The following HAT1 variants were observed in gnomAD, a reference collection of about 807,000 sequenced individuals.
The protein encoded by HAT1 is histone acetyltransferase 1.
In HAT1, 20 loss-of-function variants were observed where a neutral mutation model predicts 56.6. The ratio of observed to expected loss-of-function variants is 0.35; its 90% CI spans 0.25 to 0.51. HAT1 has a LOEUF of 0.51. Ranked by LOEUF, HAT1 falls within the 20% of genes least tolerant of loss-of-function variation. The probability of loss-of-function intolerance (pLI) is 0.95; values close to 1 mark genes in which losing one functional copy is unlikely to be tolerated. For synonymous variants in HAT1, 146 were observed against 165.5 expected, an observed-to-expected ratio of 0.88 and a Z score of 0.91; for missense variants, 408 against 504.3, an observed-to-expected ratio of 0.81 and a Z score of 1.83.
At chr2:171,967,363 A>G (rs1482372619) in intron 8 of HAT1, among the ~76,000 whole-genome samples, 1 of 152,224 alleles carries the variant, frequency 6.6e-6, no homozygotes, top group Non-Finnish European at 1.5e-5. Flanking sequence ...TCTTGAATAG[A>G]ATACACATTT....
chr2:171,935,046 G>A (rs867251919), intron 2 of HAT1, among the ~76,000 whole-genome samples: 27 of 151,066 alleles, frequency 1.8e-4, no homozygotes, highest in Non-Finnish European at 3.7e-4. Flanking sequence ...GTGAGCCACC[G>A]CGCCTGGCCT....
chr2:171,946,611 A>G lies in HAT1; in HGVS notation c.113-97A>G, dbSNP rs1022126149. On this transcript the variant is annotated intron_variant, in intron 2 of 10. Coordinates refer to ENST00000264108, the MANE Select transcript of HAT1 (RefSeq NM_003642.4). ...TTTTAGTAAGAAAAATGTTGGCTGT[A>G]TCCTAGTTATACTGAAACTCATGAA... is the stretch of plus-strand genomic sequence containing the variant. The G allele has an allele frequency of 6.8e-6, 5 of 730,134 alleles. No individual in the cohort carries two copies. In the Admixed American group the frequency reaches 7.5e-5, roughly 11 times the overall value. The allele number at this position is 730,134 out of a possible 1,614,324, so 45.2% of individuals were successfully genotyped here.
intron 2 of HAT1, among the ~76,000 whole-genome samples, chr2:171,928,587 C>T (rs556470045): frequency 2.0e-5 from 3 of 152,072 alleles, no homozygotes; most frequent in East Asian, 3.9e-4. Flanking sequence ...CGGCTCAATG[C>T]GATCTCCACC....
At chr2:171,977,913 A>G (rs1688028962) in intron 9 of HAT1, among the ~76,000 whole-genome samples, 1 of 151,886 alleles carries the variant, frequency 6.6e-6, no homozygotes, top group Non-Finnish European at 1.5e-5. Flanking sequence ...CAACCTATCC[A>G]TACCCCAACT....
At chr2:171,978,059 C>CTTT (rs35822665) in intron 9 of HAT1, among the ~76,000 whole-genome samples, 9 of 137,116 alleles carry the variant, frequency 6.6e-5, no homozygotes, top group South Asian at 2.3e-4. Flanking sequence ...TTTCCTTTTC[C>CTTT]TTTTTTTTTT....
intron 8 of HAT1, among the ~76,000 whole-genome samples, chr2:171,975,449 T>G (rs902878329): frequency 1.9e-4 from 29 of 152,208 alleles, no homozygotes; most frequent in African/African-American, 6.8e-4. Context: ...ATCATCGTTA[T>G]GTCTTCTTCA....
intron 3 of HAT1, among the ~76,000 whole-genome samples, chr2:171,951,246 A>C (rs1290522606): frequency 6.6e-6 from 1 of 152,240 alleles, no homozygotes; most frequent in Non-Finnish European, 1.5e-5. Flanking sequence ...ACATAGATTA[A>C]TGCCAAAATT....
At chr2:171,949,132 T>C (rs1247591362) in intron 3 of HAT1, among the ~76,000 whole-genome samples, 8 of 152,192 alleles carry the variant, frequency 5.3e-5, no homozygotes, top group Admixed American at 1.3e-4. Context: ...CATTTATTAG[T>C]TGGGCATGCT....
At chr2:171,958,991 T>G (rs926216629) in intron 4 of HAT1, among the ~76,000 whole-genome samples, 11 of 152,244 alleles carry the variant, frequency 7.2e-5, no homozygotes, top group African/African-American at 2.4e-4. Flanking sequence ...TTGGTTTTTT[T>G]GTGTGTTTTT....
At chr2:171,966,098 G>C (rs780301274) in intron 6 of HAT1, 190 bp downstream of exon 6, 39 of 597,368 alleles carry the variant, frequency 6.5e-5, no homozygotes, top group African/African-American at 5.6e-5. Context: ...ATTAAATGCT[G>C]TTGTCCGTTA....
At chr2:171,957,030 G>A (rs1413774901) in intron 4 of HAT1, among the ~76,000 whole-genome samples, 4 of 152,112 alleles carry the variant, frequency 2.6e-5, no homozygotes, top group Non-Finnish European at 5.9e-5. Context: ...GGGAACATTT[G>A]TGGAGGACCC....
chr2:171,968,600 GAA>G (rs1687737265), intron 8 of HAT1, among the ~76,000 whole-genome samples: 1 of 152,112 alleles, frequency 6.6e-6, no homozygotes, highest in African/African-American at 2.4e-5. Context: ...TCTCTAAAAA[GAA>G]AAGACTAAAC....
intron 4 of HAT1, among the ~76,000 whole-genome samples, chr2:171,961,149 G>A (rs547830368): frequency 3.1e-4 from 47 of 151,984 alleles, no homozygotes; most frequent in African/African-American, 1.1e-3. Flanking sequence ...CTCAAAAAAC[G>A]AAAACAAAAG....
rs186359352 is a variant in HAT1 at position 171,949,358 on chromosome 2, G to T, written c.188+2575G>T. 3.4e-3 allele frequency among the ~76,000 whole-genome samples: 510 copies of T among 152,096 alleles called. 2 individuals carry two copies. The highest frequency in any genetic ancestry group is 0.011 in the African/African-American group (461 of 41,502). On this transcript the variant is annotated intron_variant, in intron 3 of 10. Transcript: ENST00000264108. ...CTCCTGAGGAGCTGGGACTATAGGC[G>T]TGTACCACCATACCCAGCTAATTTT...
chr2:171,965,932 G>A (rs1272945896), intron 6 of HAT1, 24 bp downstream of exon 6: 2 of 1,600,730 alleles, frequency 1.2e-6, no homozygotes, highest in Admixed American at 1.7e-5. Flanking sequence ...TAAAGCAACA[G>A]TAGACCTTAT....
chr2:171,964,007 G>A (rs1219801614), intron 4 of HAT1, among the ~76,000 whole-genome samples: 4 of 152,064 alleles, frequency 2.6e-5, no homozygotes, highest in African/African-American at 9.7e-5. Flanking sequence ...ATAAATGTTG[G>A]TGGTACCAGA....
chr2:171,965,865 A>G lies in HAT1; in HGVS notation c.568A>G (p.Ser190Gly), dbSNP rs769545273. 2 of 1,613,048 alleles carry G rather than the reference A, an allele frequency of 1.2e-6. No individual in the cohort carries two copies. The highest frequency in any genetic ancestry group is 1.7e-6 in the Non-Finnish European group (2 of 1,179,038). Reference protein sequence around the residue: ...TFLMWFIETASFIDVDDERWH... With the variant: ...TFLMWFIETAGFIDVDDERWH... ...TTTGATGTGGTTTATTGAAACTGCTAGCTTTATTGACGTGGATGATGAAAG... is the reference window on the plus strand; with the variant it reads ...TTTGATGTGGTTTATTGAAACTGCTGGCTTTATTGACGTGGATGATGAAAG... The change falls in exon 6 of 11, where the codon AGC (serine) becomes GGC (glycine). Residue 190 changes from serine to glycine, a missense_variant. Ser to Gly is a moderately conservative substitution (Grantham distance 56). Coordinates refer to ENST00000264108, the MANE Select transcript of HAT1 (RefSeq NM_003642.4).
At chr2:171,930,326 T>C (rs563751686) in intron 2 of HAT1, among the ~76,000 whole-genome samples, 1 of 152,200 alleles carries the variant, frequency 6.6e-6, no homozygotes, top group East Asian at 1.9e-4. Flanking sequence ...TACACCACCA[T>C]GCCTGGCTAA....
intron 4 of HAT1, among the ~76,000 whole-genome samples, chr2:171,954,997 AGAAAG>A (rs1311025393): frequency 2.6e-5 from 4 of 152,202 alleles, no homozygotes; most frequent in African/African-American, 4.8e-5. Flanking sequence ...AGCTGGAAGA[AGAAAG>A]GAACAGATTC....
Sources: allele counts gnomAD v4.1 joint callset (sites outside exome capture counted in the v4.1 genomes callset), GRCh38; gene constraint gnomAD v4.1.1; transcripts MANE v1.5; gene names NCBI Gene and HGNC (gene_info 2026-07-23, HGNC 2026-07-21).